Variants in ZMYM1 observed in about 807,000 individuals in gnomAD.
ZMYM1 encodes zinc finger MYM-type containing 1.
ZMYM1 carries 39 observed loss-of-function variants against 60.0 expected under a neutral mutation model. The observed-to-expected ratio is 0.65, with a 90% CI of 0.50 to 0.85. The LOEUF (loss-of-function observed/expected upper bound fraction) is 0.85. Among genes scored for constraint, ZMYM1 ranks in the 40% least tolerant of loss-of-function variants. The pLI is 0.00. For missense variants in ZMYM1, 1,171 were observed against 1,309.5 expected (o/e 0.89, Z 1.63); for synonymous variants, 413 against 454.0 (o/e 0.91, Z 1.15).
Position 35,112,962 on chromosome 1 carries a change from C to A in ZMYM1, c.1147-15C>A. On this transcript the variant is annotated splice_polypyrimidine_tract_variant and intron_variant, in intron 9 of 9. Transcript: ENST00000359858. ...TGAAAACTGTTAAATGTTCTTTTCT[C>A]ATTTTCTCCCAAAGCTTTCTAAGAG... 3 of 1,502,084 alleles carry A rather than the reference C, an allele frequency of 2.0e-6. No homozygotes were observed. The highest frequency in any genetic ancestry group is 1.4e-5 in the African/African-American group (1 of 70,846). The allele number at this position is 1,502,084 out of a possible 1,614,324, so 93.0% of individuals were successfully genotyped here.
chr1:35,112,430 G>A (rs1341052172), intron 9 of ZMYM1, among the ~76,000 whole-genome samples: 1 of 149,220 alleles, frequency 6.7e-6, no homozygotes, highest in Admixed American at 6.8e-5. Flanking sequence ...CGCCCACCTT[G>A]GCCTCCCAAA....
At chr1:35,091,712 T>C (rs1172174980) in intron 1 of ZMYM1, among the ~76,000 whole-genome samples, 2 of 146,212 alleles carry the variant, frequency 1.4e-5, no homozygotes, top group Non-Finnish European at 3.0e-5. Flanking sequence ...CTGGGCAACA[T>C]AGGGAAACAC....
intron 6 of ZMYM1, among the ~76,000 whole-genome samples, chr1:35,106,890 C>A (rs1031654057): frequency 6.6e-6 from 1 of 151,274 alleles, no homozygotes; most frequent in African/African-American, 2.4e-5. Context: ...CTCGCTCTGT[C>A]GCCCAGGCTG....
chr1:35,083,154 C>G (rs2148491537), intron 1 of ZMYM1, among the ~76,000 whole-genome samples: 1 of 150,516 alleles, frequency 6.6e-6, no homozygotes. Flanking sequence ...TTTATTGTTT[C>G]TTTTCTTTTT....
chr1:35,107,448 GAC>G (rs1370941767), intron 6 of ZMYM1, among the ~76,000 whole-genome samples: 2 of 147,050 alleles, frequency 1.4e-5, no homozygotes, highest in East Asian at 5.0e-4. Flanking sequence ...CAGCCTGGGC[GAC>G]AGAGCGAGAC....
In ZMYM1 at chr1:35,096,840, C is replaced by A. The variant is rs564178012; in HGVS notation, c.170-477C>A. ...TCAGCCTCCCGAGTAGCTGGGACTA[C>A]AGGCATGTGTCACCATGCCCAGCTA... is the stretch of plus-strand genomic sequence containing the variant. On this transcript the variant is annotated intron_variant, in intron 3 of 9. Coordinates refer to ENST00000359858, the MANE Select transcript of ZMYM1 (RefSeq NM_024772.5). Among the ~76,000 whole-genome samples, 16 of 152,288 alleles carry A rather than the reference C, an allele frequency of 1.1e-4. No homozygotes were observed. In the East Asian group the frequency reaches 2.7e-3, roughly 26 times the overall value.
chr1:35,075,268 G>T (rs1406817765), upstream of ZMYM1, among the ~76,000 whole-genome samples: 1 of 152,008 alleles, frequency 6.6e-6, no homozygotes, highest in Non-Finnish European at 1.5e-5. Flanking sequence ...CTTTGCTTGT[G>T]TTTGTCTTTA....
At chr1:35,112,559 G>A (rs977666384) in intron 9 of ZMYM1, among the ~76,000 whole-genome samples, 9 of 87,588 alleles carry the variant, frequency 1.0e-4, no homozygotes, top group Admixed American at 4.0e-4. Flanking sequence ...ATAATATATT[G>A]TATATAATAT....
chr1:35,073,835 C>A (rs1020141575), intron 1 of ZMYM1, among the ~76,000 whole-genome samples: 8 of 152,146 alleles, frequency 5.3e-5, no homozygotes, highest in African/African-American at 1.9e-4. Context: ...TCGCTCTGTC[C>A]CCCAGCCTGG....
chr1:35,071,889 A>G (rs1238509663), intron 1 of ZMYM1, among the ~76,000 whole-genome samples: 2 of 152,224 alleles, frequency 1.3e-5, no homozygotes, highest in East Asian at 3.9e-4. Context: ...CGGTAATCCC[A>G]GCACTTTGGG....
At chr1:35,106,953 G>A (rs555781142) in intron 6 of ZMYM1, among the ~76,000 whole-genome samples, 1 of 151,684 alleles carries the variant, frequency 6.6e-6, no homozygotes, top group South Asian at 2.1e-4. Context: ...GCGGGTTCAC[G>A]CCATTCTCGT....
intron 4 of ZMYM1, among the ~76,000 whole-genome samples, chr1:35,101,673 T>G (rs963726584): frequency 5.3e-5 from 8 of 151,750 alleles, no homozygotes; most frequent in Non-Finnish European, 1.2e-4. Flanking sequence ...TGGTCTGTGA[T>G]TTTACAGTGT....
chr1:35,071,994 A>C (rs949479769), intron 1 of ZMYM1, among the ~76,000 whole-genome samples: 5 of 151,984 alleles, frequency 3.3e-5, no homozygotes, highest in Non-Finnish European at 1.5e-5. Context: ...CAAATAAGCC[A>C]GTGGTGGTGC....
At position 35,115,727 on chromosome 1, in the gene ZMYM1, T is replaced by TA. The variant is rs79803379; in HGVS notation, c.*469dup. ...TAAGCTGGAAATCTAAAGTTAGAAT[T>TA]ACTAGGTTAAGATATGTGCATTTTT... On this transcript the variant is annotated 3_prime_UTR_variant, in exon 10 of 10. Transcript: ENST00000359858. 0.058 allele frequency: 8,820 copies of TA among 152,548 alleles called. 560 individuals are homozygous for TA. The highest frequency in any genetic ancestry group is 0.38 in the East Asian group (1,991 of 5,188). The allele number at this position is 152,548 out of a possible 1,614,324, so 9.4% of individuals were successfully genotyped here. A position where few individuals can be genotyped will look rare whatever the true frequency, so the allele number is the denominator to read the frequency against.
intron 1 of ZMYM1, chr1:35,059,959 C>A (rs1411993072): frequency 6.6e-6 from 1 of 152,174 alleles, no homozygotes; most frequent in South Asian, 2.1e-4. Flanking sequence ...CTCACCCTTA[C>A]TTATATAATT....
intron 6 of ZMYM1, among the ~76,000 whole-genome samples, chr1:35,108,721 T>G (rs1341530618): frequency 2.0e-5 from 3 of 150,952 alleles, no homozygotes; most frequent in Admixed American, 2.0e-4. Flanking sequence ...TTTTTTTTTT[T>G]TTAGACTGAG....
chr1:35,087,046 G>T (rs1642696438), intron 1 of ZMYM1, among the ~76,000 whole-genome samples: 2 of 136,332 alleles, frequency 1.5e-5, no homozygotes. Context: ...AGGCTGGAGT[G>T]CAGTGGCACG....
intron 1 of ZMYM1, among the ~76,000 whole-genome samples, chr1:35,061,851 A>G (rs1220445735): frequency 9.0e-6 from 1 of 110,894 alleles, no homozygotes; most frequent in Non-Finnish European, 1.6e-5. Context: ...TTTATTTGAG[A>G]TGGAGTCTCA....
chr1:35,069,157 T>C (rs1642026816), intron 1 of ZMYM1, among the ~76,000 whole-genome samples: 2 of 152,210 alleles, frequency 1.3e-5, no homozygotes, highest in African/African-American at 2.4e-5. Context: ...TTTAATATTT[T>C]GAGGAACTTC....
Sources: allele counts gnomAD v4.1 joint callset (sites outside exome capture counted in the v4.1 genomes callset), GRCh38; gene constraint gnomAD v4.1.1; transcripts MANE v1.5; gene names NCBI Gene and HGNC (gene_info 2026-07-23, HGNC 2026-07-21).